The following SLC2A13 variants were observed in gnomAD, a reference collection of about 807,000 sequenced individuals.
SLC2A13 encodes solute carrier family 2 member 13.
SLC2A13 carries 32 observed loss-of-function variants against 64.4 expected under a neutral mutation model. The observed-to-expected ratio is 0.50, with a 90% confidence interval of 0.37 to 0.67. The LOEUF (loss-of-function observed/expected upper bound fraction) is 0.67. Among genes scored for constraint, SLC2A13 ranks in the 30% least tolerant of loss-of-function variants. SLC2A13 has a pLI of 0.00. For missense variants in SLC2A13, 743 were observed against 829.2 expected (o/e 0.90, Z 1.28); for synonymous variants, 338 against 327.1 (o/e 1.03, Z -0.36).
intron 6 of SLC2A13, among the ~76,000 whole-genome samples, chr12:39,834,620 G>A (rs1260571898): frequency 3.9e-5 from 6 of 152,004 alleles, no homozygotes; most frequent in Non-Finnish European, 7.4e-5. Flanking sequence ...AGGAGGTCAA[G>A]TATCAAAAAG....
At chr12:40,045,576 T>TA (rs1000935472) in intron 2 of SLC2A13, among the ~76,000 whole-genome samples, 6 of 150,142 alleles carry the variant, frequency 4.0e-5, no homozygotes, top group East Asian at 3.9e-4. Flanking sequence ...AAAATTCACC[T>TA]AAAAAAAAGG....
At chr12:39,895,918 ATATATGTG>A (rs372358867) in intron 4 of SLC2A13, among the ~76,000 whole-genome samples, 5 of 137,704 alleles carry the variant, frequency 3.6e-5, no homozygotes, top group Admixed American at 8.6e-5. Flanking sequence ...ATATGTATGC[ATATATGTG>A]TATATGTGTA....
At chr12:39,986,455 A>C (rs1947033107) in intron 3 of SLC2A13, among the ~76,000 whole-genome samples, 1 of 152,082 alleles carries the variant, frequency 6.6e-6, no homozygotes, top group Non-Finnish European at 1.5e-5. Flanking sequence ...TGGAGGAAGG[A>C]CCAATGTTTT....
At chr12:40,077,320 A>G (rs1938214183) in intron 1 of SLC2A13, among the ~76,000 whole-genome samples, 1 of 152,008 alleles carries the variant, frequency 6.6e-6, no homozygotes, top group Non-Finnish European at 1.5e-5. Context: ...TCTTGAGTTG[A>G]TTTTTGTATA....
At chr12:39,856,808 T>C (rs1284480056) in intron 6 of SLC2A13, among the ~76,000 whole-genome samples, 1 of 152,184 alleles carries the variant, frequency 6.6e-6, no homozygotes, top group Non-Finnish European at 1.5e-5. Context: ...CATACCAGAG[T>C]GTTTTAAGTG....
intron 3 of SLC2A13, among the ~76,000 whole-genome samples, chr12:40,024,558 T>A (rs1947773447): frequency 6.6e-6 from 1 of 152,218 alleles, no homozygotes; most frequent in Non-Finnish European, 1.5e-5. Flanking sequence ...TCATTCCCTC[T>A]ATAAGCATTT....
At chr12:40,031,015 T>C (rs1271383226) in intron 2 of SLC2A13, among the ~76,000 whole-genome samples, 1 of 152,230 alleles carries the variant, frequency 6.6e-6, no homozygotes, top group East Asian at 1.9e-4. Context: ...CTAATACTTC[T>C]AAAAGTAAAA....
intron 3 of SLC2A13, among the ~76,000 whole-genome samples, chr12:39,996,108 G>C (rs751586685): frequency 6.6e-6 from 1 of 152,218 alleles, no homozygotes; most frequent in Admixed American, 6.5e-5. Flanking sequence ...TAGTAATATA[G>C]ACAATGAAAC....
chr12:39,939,790 A>G (rs1945987460), intron 4 of SLC2A13, among the ~76,000 whole-genome samples: 2 of 152,220 alleles, frequency 1.3e-5, no homozygotes, highest in Non-Finnish European at 2.9e-5. Flanking sequence ...CTACAGTCTG[A>G]TAACTTTTCA....
At chr12:39,931,236 C>A (rs899658127) in intron 4 of SLC2A13, among the ~76,000 whole-genome samples, 7 of 152,126 alleles carry the variant, frequency 4.6e-5, no homozygotes, top group Admixed American at 1.3e-4. Context: ...CTGTCAGAAC[C>A]ACTATAAGGA....
chr12:39,909,226 T>C (rs911003859), intron 4 of SLC2A13, among the ~76,000 whole-genome samples: 2 of 151,974 alleles, frequency 1.3e-5, no homozygotes, highest in Non-Finnish European at 2.9e-5. Context: ...AAATGTACAA[T>C]ACTTCCTAAT....
intron 1 of SLC2A13, among the ~76,000 whole-genome samples, chr12:40,063,074 T>C (rs562508519): frequency 5.3e-5 from 8 of 152,284 alleles, no homozygotes; most frequent in African/African-American, 1.9e-4. Flanking sequence ...CCTTCATTAA[T>C]GATTCTATTA....
chr12:40,006,522 G>C lies in SLC2A13; in HGVS notation c.925+21779C>G, dbSNP rs979164967. Among the ~76,000 whole-genome samples, 10 of 152,176 alleles carry C rather than the reference G, an allele frequency of 6.6e-5. No homozygotes were observed. In the East Asian group the frequency reaches 1.9e-3, roughly 29 times the overall value. ...TCATTAAATGTAAGCTTATTAGTAA[G>C]AAAATTATGTTAAAATGAAAATATA... On this transcript the variant is annotated intron_variant, in intron 3 of 9. Transcript: ENST00000280871.
chr12:39,957,193 T>C (rs1273903534), intron 3 of SLC2A13, among the ~76,000 whole-genome samples: 1 of 152,188 alleles, frequency 6.6e-6, no homozygotes. Flanking sequence ...CAAGTGTTGC[T>C]ACCCCCATCT....
intron 7 of SLC2A13, among the ~76,000 whole-genome samples, chr12:39,801,906 C>T (rs1474547500): frequency 1.3e-5 from 2 of 152,132 alleles, no homozygotes; most frequent in East Asian, 3.9e-4. Context: ...ATTATTGAAC[C>T]AGGCACCATT....
chr12:40,048,329 A>G, intron 1 of SLC2A13, 119 bp from the exon 2 acceptor site: 1 of 944,618 alleles, frequency 1.1e-6, no homozygotes, highest in Non-Finnish European at 1.5e-6. Flanking sequence ...TACTTTAAGC[A>G]AAGGTTTACC....
rs1442269483 is a variant in SLC2A13 at position 39,756,102 on chromosome 12, G to T, written c.*3924C>A. 4 of 151,850 alleles carry T rather than the reference G, an allele frequency of 2.6e-5. No homozygotes were observed. Among genetic ancestry groups the T allele is most frequent in the Non-Finnish European group, 5.9e-5 (4 of 67,766 alleles). The allele number at this position is 151,850 out of a possible 1,614,324, so 9.4% of individuals were successfully genotyped here. A position where few individuals can be genotyped will look rare whatever the true frequency, so the allele number is the denominator to read the frequency against. On this transcript the variant is annotated 3_prime_UTR_variant, in exon 10 of 10. Transcript: ENST00000280871. ...CAACCTGAACCATTTCATCAAATTG[G>T]CTTTACATTATTGTACATGAGGCCA...
intron 4 of SLC2A13, among the ~76,000 whole-genome samples, chr12:39,901,649 C>G (rs1945116177): frequency 7.8e-6 from 1 of 127,964 alleles, no homozygotes; most frequent in African/African-American, 3.0e-5. Flanking sequence ...GAGATACCAT[C>G]TCACACCAGT....
intron 6 of SLC2A13, among the ~76,000 whole-genome samples, chr12:39,846,318 G>A (rs953648910): frequency 6.6e-6 from 1 of 152,130 alleles, no homozygotes; most frequent in Non-Finnish European, 1.5e-5. Context: ...GACAATAGGA[G>A]CATCACATTT....
Sources: gnomAD v4.1 joint callset for allele counts (sites outside exome capture counted in the v4.1 genomes callset) on GRCh38, gnomAD v4.1.1 for gene constraint, MANE v1.5 for transcripts, NCBI Gene and HGNC (gene_info 2026-07-23, HGNC 2026-07-21) for gene names.